Variants in SPATA13 observed in about 807,000 individuals in gnomAD.
The protein encoded by SPATA13 is spermatogenesis-associated protein 13.
SPATA13 carries 50 observed loss-of-function variants against 104.0 expected under a neutral mutation model. The ratio of observed to expected loss-of-function variants is 0.48; its 90% CI spans 0.38 to 0.61. SPATA13 has a LOEUF of 0.61. Among genes scored for constraint, SPATA13 ranks in the 20% least tolerant of loss-of-function variants. SPATA13 has a pLI of 0.00. For missense variants in SPATA13, 1,524 were observed against 1,690.6 expected, an observed-to-expected ratio of 0.90 and a Z score of 1.73; for synonymous variants, 606 against 667.5, an observed-to-expected ratio of 0.91 and a Z score of 1.42.
At chr13:24,131,130 A>T (rs1476174800) in intron 3 of SPATA13, among the ~76,000 whole-genome samples, 1 of 152,266 alleles carries the variant, frequency 6.6e-6, no homozygotes, top group African/African-American at 2.4e-5. Context: ...AATTATAAAA[A>T]TGCTTTGAAC....
At chr13:24,177,864 T>C (rs2760356) in intron 1 of SPATA13, among the ~76,000 whole-genome samples, 10,849 of 152,134 alleles carry the variant, frequency 0.071, 1,240 homozygotes, top group African/African-American at 0.25. Flanking sequence ...TTTCAACATA[T>C]GAATTTTTTT....
intron 1 of SPATA13, among the ~76,000 whole-genome samples, chr13:24,189,938 A>G (rs1309830414): frequency 2.0e-5 from 1 of 50,822 alleles, no homozygotes; most frequent in African/African-American, 7.7e-5. Flanking sequence ...ATTATATAAT[A>G]TATTACATAA....
intron 3 of SPATA13, among the ~76,000 whole-genome samples, chr13:24,033,090 C>T (rs1282924114): frequency 1.3e-5 from 2 of 152,130 alleles, no homozygotes; most frequent in Admixed American, 6.5e-5. Flanking sequence ...CTCTCAGAGG[C>T]CTGCACTAAG....
intron 7 of SPATA13, among the ~76,000 whole-genome samples, chr13:24,287,826 T>A (rs560090841): frequency 1.3e-5 from 2 of 152,242 alleles, no homozygotes; most frequent in Non-Finnish European, 2.9e-5. Flanking sequence ...TGTGCTTCTA[T>A]GGATTGTGTA....
chr13:24,037,107 C>T lies in SPATA13; in HGVS notation c.-112+19406C>T, dbSNP rs1027165638. ...CAATTTTAAATTAATTGGCAGATAA[C>T]CACTTGCTAATTTTTAATTAAGCTA... is the stretch of plus-strand genomic sequence containing the variant. On this transcript the variant is annotated intron_variant, in intron 3 of 14. Coordinates refer to the SPATA13 transcript ENST00000424834. Among the ~76,000 whole-genome samples the T allele has an allele frequency of 6.0e-5, 9 of 149,618 alleles. No homozygotes were observed. The East Asian group carries it at 1.8e-3, about 30-fold the overall frequency.
chr13:24,043,259 C>T (rs1877999608), intron 3 of SPATA13, among the ~76,000 whole-genome samples: 3 of 152,284 alleles, frequency 2.0e-5, no homozygotes, highest in Admixed American at 1.3e-4. Context: ...CAAGGGATTG[C>T]GTGGCCAAGA....
At chr13:24,282,715 G>A (rs548968748) in intron 4 of SPATA13, among the ~76,000 whole-genome samples, 4 of 152,100 alleles carry the variant, frequency 2.6e-5, no homozygotes, top group Non-Finnish European at 4.4e-5. Context: ...CTCATCGTGC[G>A]GGACACCATC....
At chr13:24,130,263 C>T (rs749298606) in intron 3 of SPATA13, among the ~76,000 whole-genome samples, 9 of 152,178 alleles carry the variant, frequency 5.9e-5, no homozygotes, top group Non-Finnish European at 8.8e-5. Context: ...TTCACACACA[C>T]GGCCAGTGGG....
rs528019060 is a variant in SPATA13 at position 24,203,285 on chromosome 13, A to C, written c.-111-19534A>C. Among the ~76,000 whole-genome samples the C allele has an allele frequency of 2.0e-5, 3 of 152,190 alleles. No homozygotes were observed. In the South Asian group the frequency reaches 6.2e-4, roughly 32 times the overall value. The stretch of plus-strand genomic sequence containing the variant: ...AACCATTCTGTAGAGGATGTAAATT[A>C]GTGTCAGGGTAATCACCAATTACCC... On this transcript the variant is annotated intron_variant, in intron 1 of 12. Coordinates refer to ENST00000382108, the MANE Select transcript of SPATA13 (RefSeq NM_001166271.3).
intron 2 of SPATA13, among the ~76,000 whole-genome samples, chr13:24,236,578 A>G (rs1439387033): frequency 7.0e-6 from 1 of 143,510 alleles, no homozygotes; most frequent in Non-Finnish European, 1.5e-5. Context: ...CCTGGGTGAC[A>G]GAGGGAGACT....
chr13:24,277,695 T>A (rs1875117518), intron 4 of SPATA13, among the ~76,000 whole-genome samples: 1 of 152,092 alleles, frequency 6.6e-6, no homozygotes, highest in African/African-American at 2.4e-5. Flanking sequence ...CAATTGGAAA[T>A]CACATACTGA....
chr13:23,992,342 TA>T (rs1374705420), intron 2 of SPATA13, among the ~76,000 whole-genome samples: 26 of 152,220 alleles, frequency 1.7e-4, no homozygotes, highest in African/African-American at 5.8e-4. Flanking sequence ...TTATATAAAA[TA>T]AGGCATGTAT....
At chr13:24,135,697 C>CAAA (rs34145507) in intron 3 of SPATA13, among the ~76,000 whole-genome samples, 6,312 of 82,122 alleles carry the variant, frequency 0.077, 296 homozygotes, top group East Asian at 0.36. Context: ...GAATCCGTCT[C>CAAA]AAAAAAAAAA....
chr13:24,139,826 G>A (rs1332822595), intron 3 of SPATA13, among the ~76,000 whole-genome samples: 2 of 152,180 alleles, frequency 1.3e-5, no homozygotes, highest in Non-Finnish European at 2.9e-5. Context: ...CCAGCACTTT[G>A]GGAGGCCAAG....
intron 4 of SPATA13, among the ~76,000 whole-genome samples, chr13:24,282,638 C>T (rs897167903): frequency 6.6e-6 from 1 of 152,204 alleles, no homozygotes; most frequent in Admixed American, 6.5e-5. Context: ...GCTGGCTTCC[C>T]TGGCCCCAGG....
In SPATA13 at chr13:24,253,890, A is replaced by G. The variant is rs545067548; in HGVS notation, c.2164+2028A>G. Among the ~76,000 whole-genome samples the G allele has an allele frequency of 2.0e-4, 31 of 152,302 alleles. No homozygotes were observed. The South Asian group carries it at 6.0e-3, about 30-fold the overall frequency. On this transcript the variant is annotated intron_variant, in intron 4 of 12. Coordinates refer to ENST00000382108, the MANE Select transcript of SPATA13 (RefSeq NM_001166271.3). ...AGCAAGAGGCAGACGAGGATGTTGC[A>G]GGCTGGGAGGTGGGCTGAGGCTGGA...
chr13:24,113,083 CG>C (rs1880700765), intron 3 of SPATA13, among the ~76,000 whole-genome samples: 1 of 152,202 alleles, frequency 6.6e-6, no homozygotes, highest in Admixed American at 6.5e-5. Context: ...AGGGACTTCT[CG>C]GCTCTCTTTC....
chr13:24,272,722 A>G (rs1874705480), intron 4 of SPATA13: 1 of 152,260 alleles, frequency 6.6e-6, no homozygotes. Flanking sequence ...CTTTGCTGGC[A>G]GACACACCTG....
At chr13:24,144,588 T>C (rs1232425510) in intron 3 of SPATA13, among the ~76,000 whole-genome samples, 1 of 152,098 alleles carries the variant, frequency 6.6e-6, no homozygotes, top group Non-Finnish European at 1.5e-5. Context: ...TGAGCAGCTC[T>C]TGGGGGCTCT....
Sources: gnomAD v4.1 joint callset for allele counts (sites outside exome capture counted in the v4.1 genomes callset) on GRCh38, gnomAD v4.1.1 for gene constraint, MANE v1.5 for transcripts, NCBI Gene and HGNC (gene_info 2026-07-23, HGNC 2026-07-21) for gene names.